Variants in PCDH15 observed in about 807,000 individuals in gnomAD.
The protein encoded by PCDH15 is protocadherin related 15, also known as protocadherin-15.
In PCDH15, 129 loss-of-function variants were observed where a neutral mutation model predicts 178.5. The ratio of observed to expected loss-of-function variants is 0.72; its 90% CI spans 0.63 to 0.84. The LOEUF is 0.84. PCDH15 is among the 40% of genes least tolerant of loss of function. The pLI, the probability that PCDH15 is intolerant of heterozygous loss-of-function variation, is 0.00. For missense variants in PCDH15, 2,230 were observed against 2,099.9 expected, an observed-to-expected ratio of 1.06 and a Z score of -1.21; for synonymous variants, 800 against 732.0, an observed-to-expected ratio of 1.09 and a Z score of -1.50.
At chr10:54,579,690 C>G (rs1409770202) in intron 2 of PCDH15, among the ~76,000 whole-genome samples, 1 of 152,000 alleles carries the variant, frequency 6.6e-6, no homozygotes, top group Non-Finnish European at 1.5e-5. Context: ...TTCCTCTCAT[C>G]TGCACACAGA....
At chr10:54,454,285 T>C (rs1400861417) in intron 3 of PCDH15, among the ~76,000 whole-genome samples, 2 of 149,686 alleles carry the variant, frequency 1.3e-5, no homozygotes, top group African/African-American at 2.4e-5. Flanking sequence ...TTATAGATTA[T>C]AAATGCTTTT....
At chr10:54,617,978 T>C (rs1590574095) in intron 2 of PCDH15, among the ~76,000 whole-genome samples, 3 of 150,020 alleles carry the variant, frequency 2.0e-5, no homozygotes, top group East Asian at 2.0e-4. Flanking sequence ...GAGGAGGATA[T>C]AGAATGGAAT....
In PCDH15 at chr10:54,939,211, T is replaced by C. The variant is rs1218254485; in HGVS notation, c.-79-41711A>G. On this transcript the variant is annotated intron_variant, in intron 2 of 5. Coordinates refer to the PCDH15 transcript ENST00000458638. ...ATTTTCTATTTTATCAAAAGTGATG[T>C]AGGCCGGGCGTGGTGGCTCACGCCC... Among the ~76,000 whole-genome samples the C allele has an allele frequency of 2.6e-5, 4 of 151,942 alleles. No individual in the cohort carries two copies. The South Asian group carries it at 6.2e-4, about 24-fold the overall frequency.
At chr10:54,413,834 T>C (rs1481477865) in intron 3 of PCDH15, among the ~76,000 whole-genome samples, 1 of 152,090 alleles carries the variant, frequency 6.6e-6, no homozygotes, top group East Asian at 1.9e-4. Context: ...GATAATGGCC[T>C]ACAATTGCAA....
intron 2 of PCDH15, among the ~76,000 whole-genome samples, chr10:55,352,746 G>A (rs1240513089): frequency 6.6e-6 from 1 of 152,092 alleles, no homozygotes; most frequent in African/African-American, 2.4e-5. Context: ...ACCAAAAAGT[G>A]GATTTTATAT....
chr10:54,390,041 G>T (rs1950363393), intron 3 of PCDH15, among the ~76,000 whole-genome samples: 1 of 152,260 alleles, frequency 6.6e-6, no homozygotes, highest in Admixed American at 6.5e-5. Context: ...CAGACATTTT[G>T]ACTTCATTAA....
chr10:54,972,708 G>T (rs531889596), intron 2 of PCDH15, among the ~76,000 whole-genome samples: 3 of 151,592 alleles, frequency 2.0e-5, no homozygotes, highest in Admixed American at 6.6e-5. Context: ...AATTAGCCAG[G>T]CGTGGTGGCA....
At chr10:55,603,052 T>A (rs963040559) in intron 2 of PCDH15, among the ~76,000 whole-genome samples, 59 of 151,930 alleles carry the variant, frequency 3.9e-4, no homozygotes, top group African/African-American at 1.4e-3. Context: ...AAGGAGCTGA[T>A]GGAGCTGAAA....
rs1390779624 is a variant in PCDH15, at chr10:53,931,029, A to G, written c.3373+7786T>C. ...CGGATGCTTAACAGAATGAGACAGG[A>G]AGAAGAGATAAAATGTAGGGAGTCT... On this transcript the variant is annotated intron_variant, in intron 25 of 37. Coordinates refer to ENST00000644397, the MANE Select transcript of PCDH15 (RefSeq NM_001384140.1). Among the ~76,000 whole-genome samples, 6 of 152,318 alleles carry G rather than the reference A, an allele frequency of 3.9e-5. No homozygotes were observed. The South Asian group carries it at 1.2e-3, about 32-fold the overall frequency.
At chr10:54,087,899 T>C (rs1192602456) in intron 16 of PCDH15, among the ~76,000 whole-genome samples, 1 of 152,160 alleles carries the variant, frequency 6.6e-6, no homozygotes, top group Non-Finnish European at 1.5e-5. Flanking sequence ...GAGATCTGCC[T>C]GTTTAAAAGT....
rs572949831 is a variant in PCDH15, at chr10:54,491,885, G to A, written c.157+35927C>T. ...CATAATGAAGAGTTAAAATCTTATT[G>A]AGAAATGCCTTGCAATCAGTTGAGA... On this transcript the variant is annotated intron_variant, in intron 3 of 37. Coordinates refer to ENST00000644397, the MANE Select transcript of PCDH15 (RefSeq NM_001384140.1). Among the ~76,000 whole-genome samples the A allele has an allele frequency of 3.3e-5, 5 of 152,196 alleles. No homozygotes were observed. The East Asian group carries it at 9.7e-4, about 30-fold the overall frequency.
At chr10:53,983,870 T>C (rs61860090) in intron 21 of PCDH15, among the ~76,000 whole-genome samples, 8,288 of 152,038 alleles carry the variant, frequency 0.055, 336 homozygotes, top group East Asian at 0.19. Context: ...GTCTTCACAA[T>C]CTACAAGATT....
rs577888655 is a variant in PCDH15 at position 55,443,372 on chromosome 10, T to C, written c.-156+184253A>G. ...AGGCAACGTACAGAATGGGAGAAAA[T>C]TTTTGAAATCTATCAAAGGGCTAAT... On this transcript the variant is annotated intron_variant, in intron 2 of 5. Coordinates refer to the PCDH15 transcript ENST00000613346. Among the ~76,000 whole-genome samples, 11 of 151,774 alleles carry C rather than the reference T, an allele frequency of 7.2e-5. No homozygotes were observed. In the East Asian group the frequency reaches 2.1e-3, roughly 30 times the overall value.
intron 1 of PCDH15, among the ~76,000 whole-genome samples, chr10:54,780,712 T>C (rs958150707): frequency 1.5e-5 from 2 of 136,694 alleles, no homozygotes; most frequent in Admixed American, 1.6e-4. Context: ...TTTACACTCA[T>C]CAGGTGATAA....
intron 1 of PCDH15, among the ~76,000 whole-genome samples, chr10:54,765,846 C>T (rs576193952): frequency 6.6e-6 from 1 of 152,120 alleles, no homozygotes; most frequent in Non-Finnish European, 1.5e-5. Flanking sequence ...ATTGAGAAAG[C>T]TTTGCCATTG....
intron 6 of PCDH15, among the ~76,000 whole-genome samples, chr10:54,334,010 C>T (rs768654806): frequency 1.3e-5 from 2 of 152,124 alleles, no homozygotes; most frequent in East Asian, 1.9e-4. Context: ...TTCTGATAGT[C>T]GTGGATATTC....
At chr10:54,782,062 T>C (rs574361654) in intron 1 of PCDH15, among the ~76,000 whole-genome samples, 3 of 152,308 alleles carry the variant, frequency 2.0e-5, no homozygotes, top group East Asian at 3.9e-4. Context: ...TAAGCAAAGT[T>C]ATGAGACAGA....
intron 3 of PCDH15, among the ~76,000 whole-genome samples, chr10:54,465,162 G>T (rs549083785): frequency 6.6e-6 from 1 of 151,822 alleles, no homozygotes; most frequent in South Asian, 2.1e-4. Context: ...TATTTACAGG[G>T]GACATGTGAT....
chr10:54,383,985 A>AT (rs59756150), intron 3 of PCDH15, among the ~76,000 whole-genome samples: 7,089 of 128,326 alleles, frequency 0.055, 265 homozygotes, highest in Non-Finnish European at 0.074. Context: ...CAAACAGTTA[A>AT]TTTTTTTTTT....
Sources: allele counts gnomAD v4.1 joint callset (sites outside exome capture counted in the v4.1 genomes callset), GRCh38; gene constraint gnomAD v4.1.1; transcripts MANE v1.5; gene names NCBI Gene and HGNC (gene_info 2026-07-23, HGNC 2026-07-21).